Variants in AFF3 observed in about 807,000 individuals in gnomAD.
The protein encoded by AFF3 is AF4/FMR2 family member 3.
Under a neutral mutation model 129.7 loss-of-function variants are expected in AFF3, and 32 were observed. The observed-to-expected ratio is 0.25, with a 90% CI of 0.19 to 0.33. The LOEUF (loss-of-function observed/expected upper bound fraction) is 0.33. AFF3 is among the 10% of genes least tolerant of loss of function. AFF3 has a pLI of 1.00. For missense variants in AFF3, 1,373 were observed against 1,592.0 expected (o/e 0.86, Z 2.34); for synonymous variants, 644 against 635.4 (o/e 1.01, Z -0.20).
intron 7 of AFF3, among the ~76,000 whole-genome samples, chr2:99,996,770 A>G (rs1680880990): frequency 6.6e-6 from 1 of 152,054 alleles, no homozygotes; most frequent in Admixed American, 6.5e-5. Flanking sequence ...AAACTTCCAG[A>G]AAGACTGTAT....
intron 1 of AFF3, among the ~76,000 whole-genome samples, chr2:100,132,548 G>C (rs1692465537): frequency 6.6e-6 from 1 of 152,144 alleles, no homozygotes; most frequent in Non-Finnish European, 1.5e-5. Context: ...AAAGTTTCTT[G>C]AAAAACAAAG....
chr2:99,886,137 T>G (rs538055989), intron 7 of AFF3, among the ~76,000 whole-genome samples: 10 of 152,356 alleles, frequency 6.6e-5, no homozygotes, highest in African/African-American at 2.4e-4. Context: ...ATACCTCGTA[T>G]GTACCCTCTG....
At chr2:100,018,586 T>C (rs774827995) in intron 4 of AFF3, among the ~76,000 whole-genome samples, 2 of 152,160 alleles carry the variant, frequency 1.3e-5, no homozygotes, top group Non-Finnish European at 2.9e-5. Flanking sequence ...TTTCAGAGTC[T>C]TTCTATATAG....
intron 7 of AFF3, among the ~76,000 whole-genome samples, chr2:99,955,670 A>C (rs1676573650): frequency 6.6e-6 from 1 of 152,250 alleles, no homozygotes; most frequent in Non-Finnish European, 1.5e-5. Context: ...CAAAAATAAC[A>C]TTCTGCAGAA....
intron 8 of AFF3, among the ~76,000 whole-genome samples, chr2:99,811,429 T>TC (rs1686781992): frequency 6.6e-6 from 1 of 152,066 alleles, no homozygotes; most frequent in Admixed American, 6.5e-5. Flanking sequence ...GGTTTTTTTT[T>TC]CCCTTAAGGA....
intron 13 of AFF3, among the ~76,000 whole-genome samples, chr2:99,618,893 G>GATTCATTCATTC (rs112677518): frequency 0.058 from 8,699 of 149,910 alleles, 320 homozygotes; most frequent in African/African-American, 0.094. Flanking sequence ...AGCTCTGATC[G>GATTCATTCATTC]ATTCATTCAT....
chr2:99,551,539 C>G lies in AFF3; in HGVS notation c.3616G>C (p.Glu1206Gln), dbSNP rs771877689. The G allele has an allele frequency of 6.2e-7, 1 of 1,614,152 alleles. No homozygotes were observed. Among genetic ancestry groups the G allele is most frequent in the African/African-American group, 1.3e-5 (1 of 75,032 alleles). ...MGPVTLHSSM[E>Q]HLVQYSQQGL... ...TGTTGGGAGTACTGGACCAGGTGCT[C>G]CATGCTGCTGTGCAGGGTGACCGGC... is the stretch of plus-strand genomic sequence containing the variant. The change falls in exon 25 of 25, where the codon GAG (glutamate) becomes CAG (glutamine). Residue 1206 changes from glutamate (E) to glutamine (Q), a missense_variant. This residue lies in a region of AFF3 where 165 missense variants were observed against 234.0 expected (regional missense o/e 0.71). Transcript: ENST00000672756.
chr2:99,696,023 C>T (rs1454704370), intron 11 of AFF3, among the ~76,000 whole-genome samples: 1 of 148,832 alleles, frequency 6.7e-6, no homozygotes, highest in East Asian at 2.0e-4. Flanking sequence ...CAACAGGGCT[C>T]TTTAACTGAA....
chr2:99,945,646 G>T (rs571845873), intron 7 of AFF3, among the ~76,000 whole-genome samples: 2 of 152,320 alleles, frequency 1.3e-5, no homozygotes, highest in African/African-American at 4.8e-5. Flanking sequence ...TGGAGAAATT[G>T]TATGTGATCC....
Position 99,593,887 on chromosome 2 carries a change from C to T in AFF3, c.1774G>A (p.Glu592Lys), listed in dbSNP as rs751544630. ...GCGCCGTCCCCGGCTGAGGTCCTCT[C>T]GGTGCGCCTGGTGGGCTTCTTGCCC... ...SAGKKPTRRT[E>K]RTSAGDGANC... The change falls in exon 15 of 25, where the codon GAG becomes AAG. Residue 592 changes from glutamate to lysine, a missense_variant. Physicochemically the swap from Glu to Lys is moderately conservative, Grantham distance 56. Coordinates refer to ENST00000672756, the MANE Select transcript of AFF3 (RefSeq NM_001386135.1). 2.6e-6 allele frequency: 4 copies of T among 1,509,680 alleles called. No individual in the cohort carries two copies. The highest frequency in any genetic ancestry group is 1.4e-5 in the African/African-American group (1 of 70,324). The allele number at this position is 1,509,680 out of a possible 1,614,324, so 93.5% of individuals were successfully genotyped here. A position where few individuals can be genotyped will look rare whatever the true frequency, so the allele number is the denominator to read the frequency against.
At chr2:99,754,588 T>G (rs1681933363) in intron 8 of AFF3, among the ~76,000 whole-genome samples, 1 of 152,094 alleles carries the variant, frequency 6.6e-6, no homozygotes, top group Non-Finnish European at 1.5e-5. Context: ...CAAGAATAAA[T>G]AAAATGAAAA....
intron 11 of AFF3, among the ~76,000 whole-genome samples, chr2:99,691,660 C>G (rs1307317766): frequency 2.6e-5 from 4 of 152,170 alleles, no homozygotes; most frequent in Non-Finnish European, 5.9e-5. Flanking sequence ...TCAAAAGAGT[C>G]TTAAGTAAAG....
At chr2:99,725,987 C>T (rs1161723080) in intron 11 of AFF3, among the ~76,000 whole-genome samples, 3 of 152,102 alleles carry the variant, frequency 2.0e-5, no homozygotes, top group African/African-American at 7.2e-5. Context: ...TCTAGAATGC[C>T]TCCAGATGGC....
intron 4 of AFF3, among the ~76,000 whole-genome samples, chr2:100,095,945 T>C (rs1259488442): frequency 1.3e-5 from 2 of 152,156 alleles, no homozygotes; most frequent in African/African-American, 2.4e-5. Flanking sequence ...AACTGAAGTA[T>C]CTGAAACCTA....
intron 4 of AFF3, among the ~76,000 whole-genome samples, chr2:100,083,801 A>T (rs1332529525): frequency 6.6e-6 from 1 of 152,040 alleles, no homozygotes; most frequent in African/African-American, 2.4e-5. Context: ...AGGCTAAGGG[A>T]GGAAGAATGG....
At chr2:99,944,576 T>G (rs1026695892) in intron 7 of AFF3, among the ~76,000 whole-genome samples, 2 of 152,184 alleles carry the variant, frequency 1.3e-5, no homozygotes, top group African/African-American at 4.8e-5. Context: ...TCACCTTCCA[T>G]GCAGGTCAAT....
At chr2:100,131,897 T>A (rs965816926) in intron 1 of AFF3, among the ~76,000 whole-genome samples, 4 of 152,170 alleles carry the variant, frequency 2.6e-5, no homozygotes, top group Non-Finnish European at 5.9e-5. Context: ...CATCCCCTTT[T>A]ACAGAACAGG....
intron 9 of AFF3, among the ~76,000 whole-genome samples, chr2:99,751,351 C>T (rs1681640025): frequency 6.6e-6 from 1 of 152,110 alleles, no homozygotes; most frequent in Non-Finnish European, 1.5e-5. Context: ...CTTTGGCCTC[C>T]CAAAGTGCTG....
At chr2:100,121,476 A>C (rs1691961182) in intron 2 of AFF3, among the ~76,000 whole-genome samples, 2 of 152,204 alleles carry the variant, frequency 1.3e-5, no homozygotes, top group South Asian at 4.1e-4. Flanking sequence ...TGAAATTCTC[A>C]ATAAACTAGC....
Sources: gnomAD v4.1 joint callset for allele counts (sites outside exome capture counted in the v4.1 genomes callset) on GRCh38, gnomAD v4.1.1 for gene constraint, gnomAD v4.1.1 regional missense constraint, MANE v1.5 for transcripts, NCBI Gene and HGNC (gene_info 2026-07-23, HGNC 2026-07-21) for gene names.